Variants in NRG3 observed in about 807,000 individuals in gnomAD.
NRG3 encodes neuregulin 3.
A neutral mutation model predicts 66.9 loss-of-function variants in NRG3; 31 were observed. The ratio of observed to expected loss-of-function variants is 0.46; its 90% CI spans 0.35 to 0.63. The LOEUF (loss-of-function observed/expected upper bound fraction) is 0.63, where lower values mean the gene tolerates loss of function less well. Among genes scored for constraint, NRG3 ranks in the 20% least tolerant of loss-of-function variants. NRG3 has a pLI of 0.00. For synonymous variants in NRG3, 393 were observed against 359.4 expected (o/e 1.09, Z -1.06); for missense variants, 910 against 878.9 (o/e 1.04, Z -0.45).
intron 1 of NRG3, among the ~76,000 whole-genome samples, chr10:82,083,011 C>T (rs1159608575): frequency 6.6e-6 from 1 of 151,676 alleles, no homozygotes; most frequent in East Asian, 1.9e-4. Context: ...ACAATCATAG[C>T]TCACACTGTC....
chr10:82,898,451 G>A (rs1843871604), intron 4 of NRG3, among the ~76,000 whole-genome samples: 1 of 152,072 alleles, frequency 6.6e-6, no homozygotes, highest in African/African-American at 2.4e-5. Context: ...GTGCTCACAG[G>A]GCCAGCTCAG....
At chr10:82,063,955 A>G (rs1165175822) in intron 1 of NRG3, among the ~76,000 whole-genome samples, 1 of 152,188 alleles carries the variant, frequency 6.6e-6, no homozygotes, top group African/African-American at 2.4e-5. Flanking sequence ...TACTGCCCTG[A>G]TGAATGACTG....
chr10:82,974,013 A>G (rs1852014862), intron 7 of NRG3, 98 bp downstream of exon 7: 1 of 1,386,806 alleles, frequency 7.2e-7, no homozygotes, highest in Admixed American at 1.8e-5. Context: ...AGGAGAGACA[A>G]CTGTTCTTGC....
At chr10:82,070,777 C>T (rs1022311302) in intron 1 of NRG3, among the ~76,000 whole-genome samples, 3 of 152,090 alleles carry the variant, frequency 2.0e-5, no homozygotes, top group Non-Finnish European at 4.4e-5. Flanking sequence ...CAAAGCCACA[C>T]AGATGAAAAC....
At chr10:82,386,037 G>T (rs1234381758) in intron 2 of NRG3, among the ~76,000 whole-genome samples, 1 of 152,060 alleles carries the variant, frequency 6.6e-6, no homozygotes, top group Admixed American at 6.6e-5. Context: ...TCACATCAGT[G>T]AAATCACTTT....
At chr10:82,972,165 T>C (rs1257247733) in intron 6 of NRG3, among the ~76,000 whole-genome samples, 1 of 152,168 alleles carries the variant, frequency 6.6e-6, no homozygotes, top group African/African-American at 2.4e-5. Flanking sequence ...AATATTAGTT[T>C]AGTTTTTTCA....
intron 2 of NRG3, among the ~76,000 whole-genome samples, chr10:82,404,088 T>G (rs1379611064): frequency 6.6e-6 from 1 of 152,184 alleles, no homozygotes; most frequent in Non-Finnish European, 1.5e-5. Context: ...TCAAGACTGT[T>G]TGCTTTCTGA....
chr10:82,966,664 G>A (rs1451676549), intron 6 of NRG3, among the ~76,000 whole-genome samples: 2 of 152,010 alleles, frequency 1.3e-5, no homozygotes, highest in Non-Finnish European at 2.9e-5. Flanking sequence ...CTTTCCTTAT[G>A]GTTAAGTATC....
Position 82,969,415 on chromosome 10 carries a change from G to A in NRG3, c.1285-4373G>A, listed in dbSNP as rs1379267903. 3.9e-5 allele frequency among the ~76,000 whole-genome samples: 6 copies of A among 152,256 alleles called. No homozygotes were observed. In the South Asian group the frequency reaches 1.2e-3, roughly 32 times the overall value. ...TACTTTGCAATACACAATCAATAAT[G>A]AAGCACACATAGAGGTATTTCCATT... On this transcript the variant is annotated intron_variant, in intron 6 of 8. Coordinates refer to ENST00000372141, the MANE Select transcript of NRG3 (RefSeq NM_001010848.4).
At chr10:82,437,557 C>A (rs2136397998) in intron 2 of NRG3, among the ~76,000 whole-genome samples, 1 of 152,196 alleles carries the variant, frequency 6.6e-6, no homozygotes, top group East Asian at 1.9e-4. Context: ...CCATCTGATT[C>A]TCTGTTCACT....
At chr10:82,365,930 G>A (rs2084492693) in intron 2 of NRG3, among the ~76,000 whole-genome samples, 1 of 152,118 alleles carries the variant, frequency 6.6e-6, no homozygotes, top group Non-Finnish European at 1.5e-5. Flanking sequence ...AGGAAATGGT[G>A]TTTTTTAAGG....
At chr10:82,323,088 G>C (rs1008622902) in intron 1 of NRG3, among the ~76,000 whole-genome samples, 4 of 152,192 alleles carry the variant, frequency 2.6e-5, no homozygotes, top group African/African-American at 9.6e-5. Context: ...ACTGTGGGAA[G>C]TATTTCCTGG....
At chr10:82,747,939 T>C (rs1176387495) in intron 3 of NRG3, among the ~76,000 whole-genome samples, 1 of 151,770 alleles carries the variant, frequency 6.6e-6, no homozygotes, top group East Asian at 1.9e-4. Context: ...ATCTGAAATT[T>C]ATGTTAGTGT....
chr10:82,939,311 T>C (rs1848361788), intron 4 of NRG3, among the ~76,000 whole-genome samples: 1 of 152,190 alleles, frequency 6.6e-6, no homozygotes. Context: ...ATTTAAACTG[T>C]TATTTACCCT....
At chr10:82,847,472 T>C (rs894716706) in intron 3 of NRG3, among the ~76,000 whole-genome samples, 3 of 152,208 alleles carry the variant, frequency 2.0e-5, no homozygotes, top group Admixed American at 2.0e-4. Flanking sequence ...AACTGAAACA[T>C]AGAAATGTTA....
intron 3 of NRG3, among the ~76,000 whole-genome samples, chr10:82,750,482 C>G (rs2058820232): frequency 6.6e-6 from 1 of 152,084 alleles, no homozygotes; most frequent in South Asian, 2.1e-4. Flanking sequence ...GTCAGAGACA[C>G]AGGGTTCTGA....
chr10:82,139,007 A>G (rs982306320), intron 1 of NRG3, among the ~76,000 whole-genome samples: 12 of 152,170 alleles, frequency 7.9e-5, no homozygotes, highest in African/African-American at 2.9e-4. Flanking sequence ...ATCCAGGAAC[A>G]ATACTTTGCA....
chr10:82,037,938 T>C (rs1280602621), intron 1 of NRG3, among the ~76,000 whole-genome samples: 2 of 151,010 alleles, frequency 1.3e-5, no homozygotes, highest in African/African-American at 2.4e-5. Context: ...CATGAATGCC[T>C]CAAAAGTCGT....
At chr10:82,577,237 T>C (rs1359813331) in intron 2 of NRG3, among the ~76,000 whole-genome samples, 4 of 151,794 alleles carry the variant, frequency 2.6e-5, no homozygotes, top group African/African-American at 4.8e-5. Context: ...ATGACTTTTA[T>C]AATAACTCTG....
Sources: allele counts gnomAD v4.1 joint callset (sites outside exome capture counted in the v4.1 genomes callset), GRCh38; gene constraint gnomAD v4.1.1; transcripts MANE v1.5; gene names NCBI Gene and HGNC (gene_info 2026-07-23, HGNC 2026-07-21).